WIPF1: variants seen among roughly 807,000 people sequenced by gnomAD.
WIPF1 encodes the protein WAS/WASL-interacting protein family member 1.
A neutral mutation model predicts 35.4 loss-of-function variants in WIPF1; 13 were observed. That is an observed-to-expected ratio of 0.37 (90% CI 0.24 to 0.58). The LOEUF is 0.58. Ranked by LOEUF, WIPF1 falls within the 20% of genes least tolerant of loss-of-function variation. The pLI is 0.74. For synonymous variants in WIPF1, 267 were observed against 266.3 expected (o/e 1.00, Z -0.02); for missense variants, 591 against 667.0 (o/e 0.89, Z 1.25).
intron 1 of WIPF1, among the ~76,000 whole-genome samples, chr2:174,611,886 C>A (rs1436307941): frequency 3.3e-5 from 5 of 151,898 alleles, no homozygotes; most frequent in Non-Finnish European, 7.4e-5. Context: ...TAGTTTGATT[C>A]CTTCACTTAA....
At chr2:174,605,539 T>C (rs1686133938) in intron 1 of WIPF1, among the ~76,000 whole-genome samples, 1 of 152,222 alleles carries the variant, frequency 6.6e-6, no homozygotes, top group African/African-American at 2.4e-5. Context: ...TGGATATTGT[T>C]CAGATATTTA....
chr2:174,575,138 C>G, intron 4 of WIPF1, 66 bp downstream of exon 4: 1 of 1,523,826 alleles, frequency 6.6e-7, no homozygotes, highest in Non-Finnish European at 8.9e-7. Flanking sequence ...GAGGCTATGA[C>G]CAGCCTCCAA....
intron 1 of WIPF1, among the ~76,000 whole-genome samples, chr2:174,586,298 G>A (rs1007704883): frequency 2.0e-5 from 3 of 152,114 alleles, no homozygotes; most frequent in African/African-American, 7.2e-5. Flanking sequence ...AAAACAGAGC[G>A]GGCATGAGAA....
At chr2:174,679,918 T>C (rs1688213936) in intron 1 of WIPF1, among the ~76,000 whole-genome samples, 2 of 152,240 alleles carry the variant, frequency 1.3e-5, no homozygotes, top group Non-Finnish European at 2.9e-5. Flanking sequence ...AAGCCTAAAC[T>C]GTTCCTCAAT....
chr2:174,619,495 C>A (rs1490368780), intron 1 of WIPF1, among the ~76,000 whole-genome samples: 2 of 152,142 alleles, frequency 1.3e-5, no homozygotes, highest in African/African-American at 4.8e-5. Context: ...ATGTCAATAT[C>A]TTTATACACA....
chr2:174,616,820 CTT>C (rs941141609), intron 1 of WIPF1, among the ~76,000 whole-genome samples: 13 of 152,040 alleles, frequency 8.6e-5, no homozygotes, highest in Non-Finnish European at 1.8e-4. Context: ...TTGACAAGAA[CTT>C]TGTCAGTAAT....
At chr2:174,644,034 CATTT>C (rs1462328477) in intron 1 of WIPF1, among the ~76,000 whole-genome samples, 4 of 152,062 alleles carry the variant, frequency 2.6e-5, no homozygotes, top group Admixed American at 2.0e-4. Context: ...AACCTAGTCA[CATTT>C]ATTTTTGTTT....
intron 1 of WIPF1, among the ~76,000 whole-genome samples, chr2:174,653,741 C>CAAAAAA (rs1175251483): frequency 5.2e-5 from 3 of 57,848 alleles, no homozygotes; most frequent in Non-Finnish European, 3.7e-5. Context: ...GCCTCTGTCT[C>CAAAAAA]AAAAAAAAAA....
chr2:174,627,255 T>A (rs1686867887), intron 1 of WIPF1, among the ~76,000 whole-genome samples: 1 of 152,192 alleles, frequency 6.6e-6, no homozygotes, highest in Non-Finnish European at 1.5e-5. Context: ...TTGTTTTTTG[T>A]CCACATCTTT....
chr2:174,582,073 A>G (rs1315420758), intron 2 of WIPF1, among the ~76,000 whole-genome samples: 1 of 152,200 alleles, frequency 6.6e-6, no homozygotes, highest in African/African-American at 2.4e-5. Flanking sequence ...TTGTGAAACC[A>G]CCGTCACAAT....
chr2:174,635,181 A>G (rs912351944), intron 1 of WIPF1, among the ~76,000 whole-genome samples: 5 of 152,196 alleles, frequency 3.3e-5, no homozygotes, highest in Admixed American at 2.6e-4. Context: ...GTGTGCCCCA[A>G]TTGTTGGTTC....
chr2:174,681,728 G>C (rs1407319907), intron 1 of WIPF1, among the ~76,000 whole-genome samples: 4 of 152,118 alleles, frequency 2.6e-5, no homozygotes, highest in Non-Finnish European at 5.9e-5. Flanking sequence ...GGGCAGGACG[G>C]ACACACGCTT....
intron 1 of WIPF1, among the ~76,000 whole-genome samples, chr2:174,611,101 T>C (rs1686328991): frequency 6.6e-6 from 1 of 152,212 alleles, no homozygotes; most frequent in African/African-American, 2.4e-5. Context: ...CTTTAGGGGA[T>C]ACTACAAAGA....
At chr2:174,587,333 G>A (rs569957806) in intron 1 of WIPF1, 24 of 152,134 alleles carry the variant, frequency 1.6e-4, no homozygotes, top group African/African-American at 5.8e-4. Flanking sequence ...ACTCCCAATA[G>A]TCCCTTAATT....
chr2:174,596,061 A>C (rs1275406062), intron 1 of WIPF1, among the ~76,000 whole-genome samples: 1 of 152,196 alleles, frequency 6.6e-6, no homozygotes, highest in African/African-American at 2.4e-5. Context: ...CTTCCAGCCT[A>C]CAGGCCAGAT....
At chr2:174,649,055 T>C (rs1687479042) in intron 1 of WIPF1, among the ~76,000 whole-genome samples, 1 of 152,126 alleles carries the variant, frequency 6.6e-6, no homozygotes. Context: ...GTGATGGCCA[T>C]TTCCCCCACC....
At chr2:174,603,464 CTT>C (rs1013642459) in intron 1 of WIPF1, among the ~76,000 whole-genome samples, 4 of 152,172 alleles carry the variant, frequency 2.6e-5, no homozygotes, top group African/African-American at 9.7e-5. Context: ...ATTGGCAGTC[CTT>C]GTTAAGTGAC....
chr2:174,634,981 G>T (rs928210926), intron 1 of WIPF1, among the ~76,000 whole-genome samples: 1 of 152,148 alleles, frequency 6.6e-6, no homozygotes, highest in African/African-American at 2.4e-5. Flanking sequence ...GCCACCCTCA[G>T]GGCAGCTGAG....
chr2:174,572,375 G>A lies in WIPF1; in HGVS notation c.430C>T (p.Pro144Ser). 1.2e-6 allele frequency: 2 copies of A among 1,614,160 alleles called. No individual in the cohort carries two copies. Residue 144 changes from proline (P) to serine (S), a missense_variant, in exon 5 of 8, where the codon CCA becomes TCA. Transcript: ENST00000679041. ...RSTSAKPFSP[P>S]SGPGRFPVPS... ...ACAGGAAACCTCCCTGGGCCACTTG[G>A]GGGTGAAAAGGGTTTCGCAGATGTG...
Sources: allele counts gnomAD v4.1 joint callset (sites outside exome capture counted in the v4.1 genomes callset), GRCh38; gene constraint gnomAD v4.1.1; transcripts MANE v1.5; gene names NCBI Gene and HGNC (gene_info 2026-07-23, HGNC 2026-07-21).